The following PTPRD variants were observed in gnomAD, a reference collection of about 807,000 sequenced individuals.
PTPRD encodes the protein protein tyrosine phosphatase receptor type D, also known as receptor-type tyrosine-protein phosphatase delta.
PTPRD carries 34 observed loss-of-function variants against 214.5 expected under a neutral mutation model. The ratio of observed to expected loss-of-function variants is 0.16; its 90% CI spans 0.12 to 0.21. The LOEUF is 0.21. Ranked by LOEUF, PTPRD falls within the 10% of genes least tolerant of loss-of-function variation. The probability of loss-of-function intolerance (pLI) is 1.00; values close to 1 mark genes in which losing one functional copy is unlikely to be tolerated. For missense variants in PTPRD, 2,545 were observed against 2,398.7 expected (o/e 1.06, Z -1.27); for synonymous variants, 1,128 against 845.7 (o/e 1.33, Z -5.79).
At chr9:8,431,428 A>T (rs2095046585) in intron 35 of PTPRD, among the ~76,000 whole-genome samples, 1 of 152,134 alleles carries the variant, frequency 6.6e-6, no homozygotes, top group Non-Finnish European at 1.5e-5. Context: ...GTGTACCTTT[A>T]CTGTTAGCCT....
intron 2 of PTPRD, among the ~76,000 whole-genome samples, chr9:10,365,187 T>A (rs944707510): frequency 1.3e-5 from 2 of 152,190 alleles, no homozygotes; most frequent in Non-Finnish European, 2.9e-5. Flanking sequence ...TATTCTTTGA[T>A]ACTCTCCTCA....
At chr9:9,584,621 A>G (rs1199484943) in intron 7 of PTPRD, among the ~76,000 whole-genome samples, 1 of 151,918 alleles carries the variant, frequency 6.6e-6, no homozygotes, top group Admixed American at 6.6e-5. Flanking sequence ...TTAAAAATCC[A>G]TGTGCATCTT....
intron 10 of PTPRD, among the ~76,000 whole-genome samples, chr9:9,130,168 C>G (rs917706639): frequency 6.6e-6 from 1 of 152,050 alleles, no homozygotes; most frequent in Non-Finnish European, 1.5e-5. Flanking sequence ...ACAAACAAGA[C>G]AGGTAATTTC....
intron 8 of PTPRD, among the ~76,000 whole-genome samples, chr9:9,409,433 G>C (rs552289450): frequency 5.2e-4 from 79 of 152,032 alleles, no homozygotes; most frequent in African/African-American, 1.8e-3. Flanking sequence ...ACCTGACATG[G>C]AAATCATTTA....
chr9:9,666,701 G>C (rs1450789536), intron 7 of PTPRD, among the ~76,000 whole-genome samples: 1 of 152,002 alleles, frequency 6.6e-6, no homozygotes, highest in Non-Finnish European at 1.5e-5. Flanking sequence ...TCTTGTGGCA[G>C]TAGTTCCTTT....
chr9:9,475,021 C>G (rs1460234357), intron 8 of PTPRD, among the ~76,000 whole-genome samples: 1 of 152,084 alleles, frequency 6.6e-6, no homozygotes, highest in African/African-American at 2.4e-5. Context: ...AGATGAAGTA[C>G]AGGCTTTTAA....
In PTPRD at chr9:9,773,313, T is replaced by C. The variant is rs889558184; in HGVS notation, c.-367-6462A>G. ...AAGGGTTTTTCAGCACAGTTCTCCA[T>C]CCTCTTAGGAAGCCCAGGGAGAAGA... On this transcript the variant is annotated intron_variant, in intron 5 of 45. Coordinates refer to ENST00000381196, the MANE Select transcript of PTPRD (RefSeq NM_002839.4). Among the ~76,000 whole-genome samples, 10 of 152,268 alleles carry C rather than the reference T, an allele frequency of 6.6e-5. No homozygotes were observed. The South Asian group carries it at 1.9e-3, about 28-fold the overall frequency.
chr9:10,275,129 G>C (rs1159654302), intron 3 of PTPRD, among the ~76,000 whole-genome samples: 1 of 152,112 alleles, frequency 6.6e-6, no homozygotes, highest in Non-Finnish European at 1.5e-5. Context: ...ACATCTAAAA[G>C]GACACTGTAT....
chr9:10,034,726 G>T (rs917175031), intron 3 of PTPRD, among the ~76,000 whole-genome samples: 2 of 151,980 alleles, frequency 1.3e-5, no homozygotes, highest in African/African-American at 4.8e-5. Context: ...GTCTCCGGCT[G>T]CATCCAACAA....
At chr9:10,116,294 A>G (rs1436440304) in intron 3 of PTPRD, among the ~76,000 whole-genome samples, 2 of 152,128 alleles carry the variant, frequency 1.3e-5, no homozygotes, top group Non-Finnish European at 2.9e-5. Context: ...TCTATTGCTG[A>G]CTAAGTACAA....
Position 10,559,897 on chromosome 9 carries a change from A to C in PTPRD, c.-600+52501T>G, listed in dbSNP as rs572204398. 1.1e-3 allele frequency among the ~76,000 whole-genome samples: 166 copies of C among 152,254 alleles called. 1 individual carries two copies. The highest frequency in any genetic ancestry group is 3.8e-3 in the African/African-American group (160 of 41,574). On this transcript the variant is annotated intron_variant, in intron 2 of 45. Transcript: ENST00000381196. Reference sequence around the variant, plus strand: ...CCAGTTAGAATGGCAATCATTAAAAAGTCAGGAAACAACAGGTGCTGGAGA... The same window carrying C: ...CCAGTTAGAATGGCAATCATTAAAACGTCAGGAAACAACAGGTGCTGGAGA...
intron 3 of PTPRD, among the ~76,000 whole-genome samples, chr9:10,315,696 C>T (rs2096402698): frequency 6.6e-6 from 1 of 151,800 alleles, no homozygotes; most frequent in Non-Finnish European, 1.5e-5. Context: ...GTAAAACATA[C>T]CTTGCTCCAT....
chr9:9,397,365 A>G (rs536981053), intron 9 of PTPRD, 84 bp downstream of exon 9: 9 of 152,428 alleles, frequency 5.9e-5, no homozygotes, highest in Non-Finnish European at 1.0e-4. Context: ...TTTTAACCAA[A>G]GGTTTTATAG....
At chr9:8,507,539 T>A (rs1231518505) in intron 21 of PTPRD, 105 bp from the exon 22 acceptor site, 15 of 1,379,538 alleles carry the variant, frequency 1.1e-5, no homozygotes, top group Non-Finnish European at 1.0e-6. Flanking sequence ...TGTACACATG[T>A]ACCAGCTTAG....
chr9:8,737,867 T>G (rs1265345076), intron 11 of PTPRD, among the ~76,000 whole-genome samples: 1 of 152,160 alleles, frequency 6.6e-6, no homozygotes, highest in Admixed American at 6.5e-5. Flanking sequence ...GTCAGGCTGA[T>G]CTTGAACTCC....
intron 11 of PTPRD, among the ~76,000 whole-genome samples, chr9:8,740,556 A>T (rs2091656269): frequency 6.6e-6 from 1 of 152,222 alleles, no homozygotes; most frequent in African/African-American, 2.4e-5. Flanking sequence ...AGGTTATTGA[A>T]TTTAATAAAA....
intron 11 of PTPRD, among the ~76,000 whole-genome samples, chr9:8,793,431 C>G (rs2096300270): frequency 6.6e-6 from 1 of 152,184 alleles, no homozygotes; most frequent in African/African-American, 2.4e-5. Flanking sequence ...ACTGCAGCCC[C>G]ATCTAACATT....
intron 10 of PTPRD, chr9:9,090,916 A>C: frequency 2.7e-6 from 4 of 1,507,928 alleles, no homozygotes; most frequent in Non-Finnish European, 3.6e-6. Context: ...GAAAAGAAGG[A>C]ACAATGGTCG....
At chr9:9,877,695 C>T (rs1053060956) in intron 5 of PTPRD, among the ~76,000 whole-genome samples, 1 of 152,010 alleles carries the variant, frequency 6.6e-6, no homozygotes. Flanking sequence ...AAATGCTGGG[C>T]CAGGCACAGT....
Sources: allele counts gnomAD v4.1 joint callset (sites outside exome capture counted in the v4.1 genomes callset), GRCh38; gene constraint gnomAD v4.1.1; transcripts MANE v1.5; gene names NCBI Gene and HGNC (gene_info 2026-07-23, HGNC 2026-07-21).